SLC35F3: variants seen among roughly 807,000 people sequenced by gnomAD.
The protein encoded by SLC35F3 is putative thiamine transporter SLC35F3.
Under a neutral mutation model 49.9 loss-of-function variants are expected in SLC35F3, and 25 were observed. That is an observed-to-expected ratio of 0.50 (90% CI 0.37 to 0.70). The LOEUF (loss-of-function observed/expected upper bound fraction) is 0.70. Ranked by LOEUF, SLC35F3 falls within the 30% of genes least tolerant of loss-of-function variation. The pLI is 0.00. For missense variants in SLC35F3, 525 were observed against 639.8 expected (o/e 0.82, Z 1.94); for synonymous variants, 275 against 265.4 (o/e 1.04, Z -0.35).
At chr1:234,312,282 C>G (rs1310798716) in intron 4 of SLC35F3, among the ~76,000 whole-genome samples, 1 of 152,116 alleles carries the variant, frequency 6.6e-6, no homozygotes, top group African/African-American at 2.4e-5. Context: ...CAGTGAGGGT[C>G]TTTAAACCAG....
At chr1:234,126,807 C>T (rs1259135232) in intron 2 of SLC35F3, among the ~76,000 whole-genome samples, 1 of 152,164 alleles carries the variant, frequency 6.6e-6, no homozygotes, top group East Asian at 1.9e-4. Context: ...GCTATCTTCC[C>T]ATCTCAGCCT....
At chr1:234,000,540 G>A (rs1163091227) in intron 2 of SLC35F3, among the ~76,000 whole-genome samples, 2 of 152,274 alleles carry the variant, frequency 1.3e-5, no homozygotes, top group East Asian at 3.9e-4. Context: ...CCAACAGAGA[G>A]ATGGTTTATA....
At chr1:234,253,457 T>TAAAA (rs59259237) in intron 3 of SLC35F3, among the ~76,000 whole-genome samples, 2 of 147,796 alleles carry the variant, frequency 1.4e-5, no homozygotes, top group African/African-American at 2.5e-5. Flanking sequence ...CATTTGAATT[T>TAAAA]AAAAAAAAAA....
intron 2 of SLC35F3, among the ~76,000 whole-genome samples, chr1:233,952,306 C>T (rs888613378): frequency 7.9e-5 from 12 of 152,176 alleles, no homozygotes; most frequent in African/African-American, 2.4e-4. Context: ...TTTACCATGA[C>T]TTTCCTCCTT....
intron 2 of SLC35F3, among the ~76,000 whole-genome samples, chr1:234,070,424 G>A (rs1371227281): frequency 1.3e-5 from 2 of 152,174 alleles, no homozygotes; most frequent in African/African-American, 4.8e-5. Flanking sequence ...TCCTATACAT[G>A]GAGGAATTTA....
intron 3 of SLC35F3, among the ~76,000 whole-genome samples, chr1:234,252,466 C>T (rs928884598): frequency 2.0e-5 from 3 of 151,974 alleles, no homozygotes; most frequent in Non-Finnish European, 4.4e-5. Context: ...AGTAAGAATC[C>T]AAATTAGCAA....
chr1:233,979,230 C>T (rs1018972929), intron 2 of SLC35F3, among the ~76,000 whole-genome samples: 1 of 152,162 alleles, frequency 6.6e-6, no homozygotes, highest in Non-Finnish European at 1.5e-5. Context: ...CCTCTCAGCA[C>T]CAGTTTTCTC....
chr1:234,143,213 C>T (rs1289693837), intron 2 of SLC35F3, among the ~76,000 whole-genome samples: 1 of 151,990 alleles, frequency 6.6e-6, no homozygotes, highest in African/African-American at 2.4e-5. Flanking sequence ...CCCTTTGTCC[C>T]TACTCTCCCT....
intron 2 of SLC35F3, among the ~76,000 whole-genome samples, chr1:233,950,787 T>C (rs1048547566): frequency 5.9e-5 from 9 of 152,168 alleles, no homozygotes; most frequent in African/African-American, 1.9e-4. Context: ...GACATCTATA[T>C]TTTTATTAAT....
At chr1:233,938,938 C>T (rs921076127) in intron 2 of SLC35F3, among the ~76,000 whole-genome samples, 5 of 152,156 alleles carry the variant, frequency 3.3e-5, no homozygotes, top group Admixed American at 1.3e-4. Context: ...AGCATCCGTT[C>T]GGCTTAACTA....
At chr1:234,206,997 C>A (rs1324708130) in intron 2 of SLC35F3, among the ~76,000 whole-genome samples, 2 of 152,168 alleles carry the variant, frequency 1.3e-5, no homozygotes, top group East Asian at 3.9e-4. Flanking sequence ...GAAACAGACA[C>A]CAGCCAAGGG....
At chr1:234,209,797 A>G (rs1429898934) in intron 2 of SLC35F3, among the ~76,000 whole-genome samples, 1 of 152,146 alleles carries the variant, frequency 6.6e-6, no homozygotes, top group African/African-American at 2.4e-5. Context: ...TGAGGAGGTG[A>G]TGACCTCCCA....
intron 2 of SLC35F3, among the ~76,000 whole-genome samples, chr1:234,031,490 T>C (rs9435544): frequency 0.25 from 37,697 of 152,106 alleles, 9,611 homozygotes; most frequent in African/African-American, 0.64. Context: ...TGCTCCAGCA[T>C]TAACATTCCT....
intron 2 of SLC35F3, among the ~76,000 whole-genome samples, chr1:234,042,774 T>C (rs925467441): frequency 8.5e-5 from 13 of 152,208 alleles, no homozygotes; most frequent in Non-Finnish European, 1.6e-4. Context: ...TTTTCCTTTT[T>C]TTCATTCCTT....
At chr1:233,974,882 C>T (rs1305808962) in intron 2 of SLC35F3, among the ~76,000 whole-genome samples, 1 of 152,154 alleles carries the variant, frequency 6.6e-6, no homozygotes, top group East Asian at 1.9e-4. Flanking sequence ...GGAAACGTAC[C>T]ACATAACGTA....
chr1:234,012,950 C>A (rs1384224209), intron 2 of SLC35F3, among the ~76,000 whole-genome samples: 1 of 152,118 alleles, frequency 6.6e-6, no homozygotes, highest in Non-Finnish European at 1.5e-5. Context: ...ATTAATAGGA[C>A]AATATTGGCC....
chr1:234,143,288 C>CTTTTCTTTTTT (rs1478216426), intron 2 of SLC35F3, among the ~76,000 whole-genome samples: 9 of 123,524 alleles, frequency 7.3e-5, no homozygotes, highest in Admixed American at 2.7e-4. Context: ...CTTTTCTTTT[C>CTTTTCTTTTTT]TTTTTTTTTT....
At chr1:233,947,271 A>G (rs150080463) in intron 2 of SLC35F3, among the ~76,000 whole-genome samples, 85 of 152,316 alleles carry the variant, frequency 5.6e-4, no homozygotes, top group African/African-American at 2.0e-3. Flanking sequence ...CTAAAAATCT[A>G]TGCCACATAG....
At chr1:234,170,227 T>A (rs1666379750) in intron 2 of SLC35F3, among the ~76,000 whole-genome samples, 1 of 152,172 alleles carries the variant, frequency 6.6e-6, no homozygotes, top group African/African-American at 2.4e-5. Context: ...TACTGTCCCA[T>A]TTAATCCTCA....
Sources: gnomAD v4.1 joint callset for allele counts (sites outside exome capture counted in the v4.1 genomes callset) on GRCh38, gnomAD v4.1.1 for gene constraint, MANE v1.5 for transcripts, NCBI Gene and HGNC (gene_info 2026-07-23, HGNC 2026-07-21) for gene names.